The following CNBD1 variants were observed in gnomAD, a reference collection of about 807,000 sequenced individuals.
The protein encoded by CNBD1 is cyclic nucleotide-binding domain-containing protein 1.
In CNBD1, 71 loss-of-function variants were observed where a neutral mutation model predicts 54.4. The observed-to-expected ratio is 1.30, with a 90% CI of 1.08 to 1.59. The LOEUF is 1.59. CNBD1 is among the 40% of genes most tolerant of loss of function. The pLI, the probability that CNBD1 is intolerant of heterozygous loss-of-function variation, is 0.00. For missense variants in CNBD1, 659 were observed against 518.0 expected (o/e 1.27, Z -2.64); for synonymous variants, 182 against 170.7 (o/e 1.07, Z -0.51).
At chr8:86,976,871 G>T (rs1449844722) in intron 4 of CNBD1, among the ~76,000 whole-genome samples, 1 of 151,658 alleles carries the variant, frequency 6.6e-6, no homozygotes, top group Non-Finnish European at 1.5e-5. Context: ...GCTTTATGTT[G>T]GTTTTGTGAC....
intron 4 of CNBD1, among the ~76,000 whole-genome samples, chr8:87,081,759 G>A (rs1810998754): frequency 6.6e-6 from 1 of 151,936 alleles, no homozygotes; most frequent in Admixed American, 6.6e-5. Flanking sequence ...GCCTGCCTCG[G>A]CCTCCCAAAG....
intron 6 of CNBD1, among the ~76,000 whole-genome samples, chr8:87,270,867 T>C (rs1361371914): frequency 1.3e-5 from 2 of 151,846 alleles, no homozygotes; most frequent in African/African-American, 4.8e-5. Flanking sequence ...TCCTTAAATT[T>C]TTGTTAGAAT....
chr8:87,356,123 G>A (rs945821530), intron 10 of CNBD1, among the ~76,000 whole-genome samples: 2 of 152,078 alleles, frequency 1.3e-5, no homozygotes, highest in Admixed American at 6.6e-5. Context: ...CAAACTGTGA[G>A]CCAAATAAAC....
chr8:87,084,854 T>A (rs1275160849), intron 4 of CNBD1, among the ~76,000 whole-genome samples: 1 of 152,148 alleles, frequency 6.6e-6, no homozygotes, highest in Non-Finnish European at 1.5e-5. Context: ...TTTGTATTTT[T>A]AGTTGAGACG....
intron 5 of CNBD1, among the ~76,000 whole-genome samples, chr8:87,236,031 G>A (rs2130824979): frequency 6.6e-6 from 1 of 152,078 alleles, no homozygotes; most frequent in Admixed American, 6.6e-5. Flanking sequence ...AGCAGACATG[G>A]CAAGCATTTG....
At chr8:87,333,946 C>T (rs767738833) in intron 8 of CNBD1, among the ~76,000 whole-genome samples, 6 of 152,110 alleles carry the variant, frequency 3.9e-5, no homozygotes, top group Non-Finnish European at 7.4e-5. Flanking sequence ...AAGAATGGTA[C>T]CAGCTCCTCT....
In CNBD1 at chr8:87,398,359, G is replaced by T. The variant is rs1168150501; in HGVS notation, c.214-30187G>T. On this transcript the variant is annotated intron_variant, in intron 2 of 7. Coordinates refer to the CNBD1 transcript ENST00000521593. ...CAGGGCCCTCTTTTTCAGAGAAAAT[G>T]GACTTCCAGAGAAAATAGAAATTCT... is the stretch of plus-strand genomic sequence containing the variant. Among the ~76,000 whole-genome samples the T allele has an allele frequency of 2.0e-5, 3 of 151,556 alleles. No individual in the cohort carries two copies. In the East Asian group the frequency reaches 5.8e-4, roughly 29 times the overall value.
At chr8:87,328,153 C>G (rs183758039) in intron 8 of CNBD1, among the ~76,000 whole-genome samples, 22 of 152,142 alleles carry the variant, frequency 1.4e-4, no homozygotes, top group African/African-American at 4.8e-4. Flanking sequence ...AATCCCCCAA[C>G]AGGCCCTGGT....
At chr8:87,372,058 G>T (rs942253834) in intron 10 of CNBD1, among the ~76,000 whole-genome samples, 4 of 152,004 alleles carry the variant, frequency 2.6e-5, no homozygotes, top group Non-Finnish European at 4.4e-5. Context: ...GTCCCTGTTT[G>T]CAGACGACAT....
chr8:87,409,331 G>A (rs796374243), intron 2 of CNBD1, among the ~76,000 whole-genome samples: 3 of 152,224 alleles, frequency 2.0e-5, no homozygotes, highest in South Asian at 2.1e-4. Flanking sequence ...GGTCCTAACT[G>A]TTCAATTCTA....
At chr8:86,873,160 G>A (rs1808465975) in intron 1 of CNBD1, among the ~76,000 whole-genome samples, 1 of 150,358 alleles carries the variant, frequency 6.7e-6, no homozygotes, top group Admixed American at 6.6e-5. Flanking sequence ...GGAGTGCAGT[G>A]GCACGATCTT....
chr8:86,891,719 A>C (rs1808771198), intron 2 of CNBD1, among the ~76,000 whole-genome samples: 1 of 152,088 alleles, frequency 6.6e-6, no homozygotes, highest in Admixed American at 6.5e-5. Context: ...ATCAGTGAAC[A>C]TGGATATCCT....
At chr8:87,353,195 T>C (rs760187003) in intron 9 of CNBD1, among the ~76,000 whole-genome samples, 6 of 152,204 alleles carry the variant, frequency 3.9e-5, no homozygotes, top group Non-Finnish European at 5.9e-5. Flanking sequence ...CTTTTTGACT[T>C]AATACCATCG....
chr8:87,421,693 G>T (rs1282265684), intron 2 of CNBD1, among the ~76,000 whole-genome samples: 1,754 of 150,906 alleles, frequency 0.012, 33 homozygotes, highest in African/African-American at 0.038. Context: ...ATTTGGGTTG[G>T]TTCCAAGTCT....
rs1213539896 is a variant in CNBD1, at chr8:86,960,558, C to T, written c.431+20804C>T. ...CCTCTGTAGACTCCACCTCTCGGGGCAGTGCATAGCTGAACAAAAGACAGC... is the reference window on the plus strand; with the variant it reads ...CCTCTGTAGACTCCACCTCTCGGGGTAGTGCATAGCTGAACAAAAGACAGC... On this transcript the variant is annotated intron_variant, in intron 4 of 10. Coordinates refer to ENST00000518476, the MANE Select transcript of CNBD1 (RefSeq NM_173538.3). 3.9e-5 allele frequency among the ~76,000 whole-genome samples: 6 copies of T among 152,210 alleles called. No homozygotes were observed. The East Asian group carries it at 1.2e-3, about 29-fold the overall frequency.
At chr8:87,284,605 A>G in intron 6 of CNBD1, 73 bp from the exon 7 acceptor site, 1 of 1,354,030 alleles carries the variant, frequency 7.4e-7, no homozygotes, top group Non-Finnish European at 1.0e-6. Flanking sequence ...TTGACCTACA[A>G]TCCAATCCTT....
chr8:87,067,344 G>A (rs1356030335), intron 4 of CNBD1, among the ~76,000 whole-genome samples: 1 of 151,780 alleles, frequency 6.6e-6, no homozygotes, highest in African/African-American at 2.4e-5. Context: ...CCTTATAATT[G>A]TGCAGTTATT....
At chr8:87,409,169 T>A (rs1410980679) in intron 2 of CNBD1, among the ~76,000 whole-genome samples, 1 of 152,136 alleles carries the variant, frequency 6.6e-6, no homozygotes, top group Non-Finnish European at 1.5e-5. Context: ...AAAGGAGAAG[T>A]TCTTGAAGAA....
intron 5 of CNBD1, among the ~76,000 whole-genome samples, chr8:87,232,182 G>A (rs1807456790): frequency 6.6e-6 from 1 of 152,020 alleles, no homozygotes; most frequent in African/African-American, 2.4e-5. Context: ...TCTTCCAGAG[G>A]GACACCTGAG....
Sources: gnomAD v4.1 joint callset for allele counts (sites outside exome capture counted in the v4.1 genomes callset) on GRCh38, gnomAD v4.1.1 for gene constraint, MANE v1.5 for transcripts, NCBI Gene and HGNC (gene_info 2026-07-23, HGNC 2026-07-21) for gene names.